PCDH11X: variants seen among roughly 807,000 people sequenced by gnomAD.
PCDH11X encodes protocadherin 11 X-linked, also known as protocadherin-11 X-linked.
A neutral mutation model predicts 53.3 loss-of-function variants in PCDH11X; 18 were observed. The observed-to-expected ratio is 0.34, with a 90% confidence interval of 0.23 to 0.50. The LOEUF (loss-of-function observed/expected upper bound fraction) is 0.50. Among genes scored for constraint, PCDH11X ranks in the 20% least tolerant of loss-of-function variants. PCDH11X has a pLI of 0.98. For missense variants in PCDH11X, 570 were observed against 1,032.4 expected, an observed-to-expected ratio of 0.55 and a Z score of 6.14; for synonymous variants, 279 against 393.3, an observed-to-expected ratio of 0.71 and a Z score of 3.44.
At chrX:91,851,675 G>A (rs941352457) in intron 5 of PCDH11X, among the ~76,000 whole-genome samples, 1 of 111,808 alleles carries the variant, frequency 8.9e-6, no homozygotes, top group Admixed American at 9.5e-5. Flanking sequence ...AAATTGACAG[G>A]TCGGCTGAGG....
intron 4 of PCDH11X, among the ~76,000 whole-genome samples, chrX:91,827,287 T>G (rs1936956622): frequency 9.0e-6 from 1 of 111,624 alleles, no homozygotes; most frequent in African/African-American, 3.3e-5. Flanking sequence ...CCTCATGTCC[T>G]TTGCCTACTT....
intron 6 of PCDH11X, among the ~76,000 whole-genome samples, chrX:91,929,540 G>A (rs1942055657): frequency 9.0e-6 from 1 of 110,932 alleles, no homozygotes; most frequent in African/African-American, 3.3e-5. Context: ...CTAGCTCCAG[G>A]AATTTTGTTT....
intron 7 of PCDH11X, among the ~76,000 whole-genome samples, chrX:92,250,726 C>T (rs6618933): frequency 0.035 from 3,731 of 107,869 alleles, 128 homozygotes; most frequent in East Asian, 0.22. Flanking sequence ...AGCTATTATG[C>T]TAAGTGAAAA....
intron 6 of PCDH11X, among the ~76,000 whole-genome samples, chrX:92,111,707 C>A (rs185798758): frequency 0.015 from 1,665 of 110,618 alleles, 18 homozygotes; most frequent in Middle Eastern, 0.042. Flanking sequence ...TAGTTAGTGA[C>A]AGAACTGAGG....
intron 6 of PCDH11X, among the ~76,000 whole-genome samples, chrX:92,021,837 C>T (rs1331547546): frequency 9.1e-6 from 1 of 109,463 alleles, no homozygotes; most frequent in Non-Finnish European, 1.9e-5. Context: ...AGAAACCCTA[C>T]AGGCCAGAAG....
chrX:92,156,153 A>ATTAT (rs1393610319), intron 6 of PCDH11X, among the ~76,000 whole-genome samples: 2 of 107,712 alleles, frequency 1.9e-5, no homozygotes, highest in African/African-American at 6.9e-5. Context: ...AAATAAAGAG[A>ATTAT]CCATAGGATT....
chrX:92,559,440 TAC>T (rs199701051), intron 10 of PCDH11X, among the ~76,000 whole-genome samples: 12,946 of 100,252 alleles, frequency 0.13, 751 homozygotes, highest in Admixed American at 0.23. Context: ...CAAGTATCTT[TAC>T]ACACACACAC....
At chrX:92,132,670 T>TA (rs2065012267) in intron 6 of PCDH11X, among the ~76,000 whole-genome samples, 2 of 54,494 alleles carry the variant, frequency 3.7e-5, no homozygotes, top group African/African-American at 2.1e-4. Flanking sequence ...TATATATATG[T>TA]ATATGTATAT....
intron 8 of PCDH11X, among the ~76,000 whole-genome samples, chrX:92,278,782 C>T (rs1168127590): frequency 9.6e-6 from 1 of 104,463 alleles, no homozygotes; most frequent in Non-Finnish European, 1.9e-5. Flanking sequence ...GGCTTGGGCT[C>T]AGAGGCCTGA....
intron 6 of PCDH11X, among the ~76,000 whole-genome samples, chrX:92,161,030 T>G (rs985511069): frequency 1.1e-4 from 12 of 111,200 alleles, no homozygotes; most frequent in African/African-American, 3.9e-4. Flanking sequence ...TTTTTTTTAT[T>G]TCTTGTTAAT....
intron 6 of PCDH11X, chrX:91,983,024 T>C (rs2062166734): frequency 1.7e-5 from 20 of 1,192,662 alleles, no homozygotes; most frequent in Non-Finnish European, 2.3e-5. Context: ...CTCCGGACTT[T>C]GCAGTCTCAA....
intron 6 of PCDH11X, among the ~76,000 whole-genome samples, chrX:92,005,888 A>G (rs964373403): frequency 3.3e-4 from 37 of 111,842 alleles, no homozygotes; most frequent in African/African-American, 1.2e-3. Flanking sequence ...ATTCTAGGGT[A>G]AAAGTTGTTT....
At chrX:92,315,639 C>T (rs6615363) in intron 8 of PCDH11X, among the ~76,000 whole-genome samples, 6,440 of 109,475 alleles carry the variant, frequency 0.059, 389 homozygotes, top group East Asian at 0.35. Flanking sequence ...TGTGCTCAAA[C>T]GATCCTCAAC....
rs1176727437 is a variant in PCDH11X, at chrX:91,994,912, A to G, written c.3033+115639A>G. On this transcript the variant is annotated intron_variant, in intron 6 of 10. Coordinates refer to ENST00000682573, the MANE Select transcript of PCDH11X (RefSeq NM_032968.5). ...CCTAATGATTAGTGATGTTGCACAC[A>G]TTTTCATGTGCTTGTTAGCCATCAT... Among the ~76,000 whole-genome samples the G allele has an allele frequency of 2.7e-5, 3 of 111,326 alleles. No individual in the cohort carries two copies. The East Asian group carries it at 8.5e-4, about 32-fold the overall frequency.
chrX:92,211,023 CAA>C (rs1461318968), intron 7 of PCDH11X, among the ~76,000 whole-genome samples: 2 of 111,925 alleles, frequency 1.8e-5, no homozygotes, highest in Non-Finnish European at 3.8e-5. Context: ...TACTCAGTTC[CAA>C]AGTCACTTCT....
intron 10 of PCDH11X, among the ~76,000 whole-genome samples, chrX:92,505,324 T>C (rs772304772): frequency 9.3e-6 from 1 of 107,991 alleles, no homozygotes; most frequent in East Asian, 2.9e-4. Context: ...AGAGCTTTTG[T>C]AGTTTTAGGT....
chrX:92,346,408 T>C (rs1223390936), intron 8 of PCDH11X, among the ~76,000 whole-genome samples: 1 of 111,065 alleles, frequency 9.0e-6, no homozygotes, highest in African/African-American at 3.3e-5. Flanking sequence ...AATAGAATAC[T>C]CTATAACTTA....
chrX:91,817,891 T>C (rs1936504416), intron 4 of PCDH11X, among the ~76,000 whole-genome samples: 1 of 111,627 alleles, frequency 9.0e-6, no homozygotes, highest in Admixed American at 9.6e-5. Flanking sequence ...TTTTCCAGGG[T>C]TGACAGGTTA....
chrX:92,387,594 A>G (rs747174039), intron 8 of PCDH11X, 141 bp from the exon 9 acceptor site: 309 of 1,039,490 alleles, frequency 3.0e-4, no homozygotes, highest in Non-Finnish European at 2.1e-4. Context: ...GTTATTCACA[A>G]AAGCCTGAAA....
Sources: allele counts gnomAD v4.1 joint callset (sites outside exome capture counted in the v4.1 genomes callset), GRCh38; gene constraint gnomAD v4.1.1; transcripts MANE v1.5; gene names NCBI Gene and HGNC (gene_info 2026-07-23, HGNC 2026-07-21).